FOXP1: variants seen among roughly 807,000 people sequenced by gnomAD.
The protein encoded by FOXP1 is forkhead box P1.
In FOXP1, 15 loss-of-function variants were observed where a neutral mutation model predicts 98.2. That is an observed-to-expected ratio of 0.15 (90% CI 0.10 to 0.24). The LOEUF is 0.24. FOXP1 is among the 10% of genes least tolerant of loss of function. The pLI is 1.00. For synonymous variants in FOXP1, 371 were observed against 314.5 expected (o/e 1.18, Z -1.90); for missense variants, 633 against 848.5 (o/e 0.75, Z 3.15).
intron 5 of FOXP1, among the ~76,000 whole-genome samples, chr3:71,221,929 C>T (rs1009223909): frequency 1.6e-4 from 24 of 152,102 alleles, no homozygotes; most frequent in Admixed American, 6.5e-5. Flanking sequence ...CCGAGGCAGG[C>T]GGATCACGAG....
At chr3:71,563,945 C>T (rs2046724632) in intron 2 of FOXP1, among the ~76,000 whole-genome samples, 1 of 152,204 alleles carries the variant, frequency 6.6e-6, no homozygotes, top group Non-Finnish European at 1.5e-5. Flanking sequence ...CGTGTGAATA[C>T]CCACAGTATG....
chr3:71,108,427 A>T (rs544842504), intron 7 of FOXP1, among the ~76,000 whole-genome samples: 1 of 152,344 alleles, frequency 6.6e-6, no homozygotes, highest in East Asian at 1.9e-4. Context: ...TTAAGCATTT[A>T]TTTCACTTGT....
chr3:71,352,470 C>CAA (rs34693899), intron 4 of FOXP1, among the ~76,000 whole-genome samples: 15,150 of 65,714 alleles, frequency 0.23, 2,621 homozygotes, highest in African/African-American at 0.3. Context: ...GACTCCATCT[C>CAA]AAAAAAAAAA....
In FOXP1 at chr3:70,971,943, G is replaced by A. The variant is rs2036354253; in HGVS notation, c.1652+612C>T. 6.4e-6 allele frequency: 8 copies of A among 1,251,492 alleles called. No homozygotes were observed. The South Asian group carries it at 1.8e-4, about 28-fold the overall frequency. 77.5% of individuals were successfully genotyped at this position (1,251,492 alleles called of 1,614,324 possible). ...ATTGGTGAAATGCAAAACTACATGGGATGAGTCAACCATGCAAAGCCAAAG... is the reference window on the plus strand; with the variant it reads ...ATTGGTGAAATGCAAAACTACATGGAATGAGTCAACCATGCAAAGCCAAAG... On this transcript the variant is annotated intron_variant, in intron 18 of 20. Transcript: ENST00000649528.
At chr3:71,499,291 A>T (rs2041151709) in intron 2 of FOXP1, among the ~76,000 whole-genome samples, 1 of 152,226 alleles carries the variant, frequency 6.6e-6, no homozygotes, top group Non-Finnish European at 1.5e-5. Flanking sequence ...AAGGCCTAGG[A>T]GAACTAAAAG....
intron 7 of FOXP1, among the ~76,000 whole-genome samples, chr3:71,059,014 G>A (rs1201350475): frequency 6.6e-6 from 1 of 152,054 alleles, no homozygotes; most frequent in African/African-American, 2.4e-5. Flanking sequence ...AAGCACTAAG[G>A]CAGGTAATGG....
At position 71,394,499 on chromosome 3, in the gene FOXP1, C is replaced by T. The variant is rs113104811; in HGVS notation, c.-167-35255G>A. Among the ~76,000 whole-genome samples, 448 of 152,190 alleles carry T rather than the reference C, an allele frequency of 2.9e-3. 3 individuals carry two copies. Among genetic ancestry groups the T allele is most frequent in the African/African-American group, 0.01 (417 of 41,522 alleles). On this transcript the variant is annotated intron_variant, in intron 3 of 20. Transcript: ENST00000649528. ...ATGAATTTGTCTGCTAGGTTTCTCC[C>T]GGTAAGATATAAAGTCTCTTCAATG...
chr3:71,057,043 T>C (rs571811530), intron 7 of FOXP1, among the ~76,000 whole-genome samples: 178 of 152,300 alleles, frequency 1.2e-3, no homozygotes, highest in African/African-American at 4.1e-3. Context: ...TGTAGCAGTC[T>C]TAACCTATTG....
At chr3:71,522,132 C>T (rs1475516574) in intron 2 of FOXP1, among the ~76,000 whole-genome samples, 1 of 152,204 alleles carries the variant, frequency 6.6e-6, no homozygotes, top group African/African-American at 2.4e-5. Context: ...CACCCTTGGG[C>T]CTGCCAAGAG....
chr3:71,260,266 A>G (rs926991928), intron 5 of FOXP1, among the ~76,000 whole-genome samples: 6 of 152,144 alleles, frequency 3.9e-5, no homozygotes, highest in African/African-American at 1.4e-4. Context: ...TACAGGCGTG[A>G]GCCACCGCGC....
chr3:71,531,116 T>C (rs2043811757), intron 2 of FOXP1, among the ~76,000 whole-genome samples: 1 of 152,234 alleles, frequency 6.6e-6, no homozygotes, highest in African/African-American at 2.4e-5. Context: ...ATTTCCACTA[T>C]CTCCACCTCT....
At chr3:71,084,086 C>T (rs1218867503) in intron 7 of FOXP1, among the ~76,000 whole-genome samples, 1 of 152,134 alleles carries the variant, frequency 6.6e-6, no homozygotes, top group Non-Finnish European at 1.5e-5. Flanking sequence ...CCTGTCCCAG[C>T]CATGCACCAT....
intron 11 of FOXP1, among the ~76,000 whole-genome samples, chr3:71,017,791 A>G: frequency 6.6e-6 from 1 of 152,194 alleles, no homozygotes; most frequent in East Asian, 1.9e-4. Flanking sequence ...AAACATGCCA[A>G]TATTATCACA....
At chr3:71,053,608 A>G in intron 8 of FOXP1, 28 bp downstream of exon 8, 1 of 1,613,682 alleles carries the variant, frequency 6.2e-7, no homozygotes. Context: ...TGGGGGAGAC[A>G]GGCTGGAGGT....
intron 3 of FOXP1, among the ~76,000 whole-genome samples, chr3:71,426,804 T>C (rs2108359188): frequency 6.6e-6 from 1 of 152,310 alleles, no homozygotes; most frequent in East Asian, 1.9e-4. Context: ...GGCTCACGCC[T>C]GTAATCCCAG....
intron 2 of FOXP1, among the ~76,000 whole-genome samples, chr3:71,503,852 C>G (rs935168953): frequency 6.6e-6 from 1 of 152,114 alleles, no homozygotes; most frequent in Non-Finnish European, 1.5e-5. Context: ...GCTCTGGGGA[C>G]ATGCTCATTA....
chr3:70,972,629 T>G lies in FOXP1; in HGVS notation c.1578A>C (p.Val526=), dbSNP rs1394440976. 1.2e-6 allele frequency: 2 copies of G among 1,614,054 alleles called. No individual in the cohort carries two copies. The highest frequency in any genetic ancestry group is 2.7e-5 in the African/African-American group (2 of 74,946). The stretch of plus-strand genomic sequence containing the variant: ...TCCATACTGCCCCTTTAACGTTTTC[T>G]ACTCGCACAAAACACTTGTGAAGAC... ...NLSLHKCFVR[V]ENVKGAVWTV... Residue 526 remains valine (V), a synonymous_variant, in exon 18 of 21, where the codon GTA becomes GTC. Transcript: ENST00000649528.
At chr3:71,275,339 C>T (rs2070775434) in intron 5 of FOXP1, among the ~76,000 whole-genome samples, 2 of 152,138 alleles carry the variant, frequency 1.3e-5, no homozygotes, top group African/African-American at 4.8e-5. Context: ...GCTATTGCCC[C>T]CACAGATAAT....
At position 71,196,586 on chromosome 3, in the gene FOXP1, G is replaced by A. The variant is rs151113098; in HGVS notation, c.180+1616C>T. 2.9e-3 allele frequency among the ~76,000 whole-genome samples: 434 copies of A among 152,262 alleles called. 1 individual carries two copies. The highest frequency in any genetic ancestry group is 0.027 in the Middle Eastern group (8 of 294). ...GTGCTCAAGTGCTTCATAAAGAAATGGGCAATCTTGACACTTGTCTGGTAA... is the reference window on the plus strand; with the variant it reads ...GTGCTCAAGTGCTTCATAAAGAAATAGGCAATCTTGACACTTGTCTGGTAA... On this transcript the variant is annotated intron_variant, in intron 6 of 20. Transcript: ENST00000649528.
Sources: gnomAD v4.1 joint callset for allele counts (sites outside exome capture counted in the v4.1 genomes callset) on GRCh38, gnomAD v4.1.1 for gene constraint, MANE v1.5 for transcripts, NCBI Gene and HGNC (gene_info 2026-07-23, HGNC 2026-07-21) for gene names.